MAGEA11: variants seen among roughly 807,000 people sequenced by gnomAD.
MAGEA11 encodes the protein MAGE family member A11.
MAGEA11 carries 1 observed loss-of-function variant against 8.4 expected under a neutral mutation model. That is an observed-to-expected ratio of 0.12 (90% CI 0.04 to 0.57). The LOEUF (loss-of-function observed/expected upper bound fraction) is 0.57, where lower values mean the gene tolerates loss of function less well. MAGEA11 is among the 20% of genes least tolerant of loss of function. The pLI is 0.91. For synonymous variants in MAGEA11, 127 were observed against 119.3 expected (o/e 1.06, Z -0.42); for missense variants, 209 against 317.3 (o/e 0.66, Z 2.59).
chrX:149,709,988 T>C (rs1005867677), upstream of MAGEA11, among the ~76,000 whole-genome samples: 1 of 111,655 alleles, frequency 9.0e-6, no homozygotes, highest in African/African-American at 3.3e-5. Flanking sequence ...ATAAGAGGTA[T>C]GTGTATTGGA....
chrX:149,710,883 A>C (rs782070844), upstream of MAGEA11, among the ~76,000 whole-genome samples: 1 of 111,380 alleles, frequency 9.0e-6, no homozygotes, highest in East Asian at 2.8e-4. Flanking sequence ...AAATCTAAAC[A>C]AAAAAAACAT....
chrX:149,713,114 G>T (rs371800864), intron 1 of MAGEA11, 29 bp from the exon 2 acceptor site: 101 of 1,019,684 alleles, frequency 9.9e-5, no homozygotes, highest in Non-Finnish European at 1.3e-4. Context: ...TAGTCCCGCC[G>T]TCTCAAACTG....
intron 1 of MAGEA11, among the ~76,000 whole-genome samples, chrX:149,706,954 G>A (rs1182237126): frequency 2.7e-5 from 3 of 112,917 alleles, no homozygotes; most frequent in African/African-American, 9.7e-5. Flanking sequence ...ACAAGAGAGA[G>A]TGTTCAGATA....
At chrX:149,700,618 G>T (rs1192014963) in intron 1 of MAGEA11, among the ~76,000 whole-genome samples, 4 of 108,879 alleles carry the variant, frequency 3.7e-5, no homozygotes, top group Non-Finnish European at 7.6e-5. Context: ...ACATTGTGCA[G>T]GTTAGTTACA....
At chrX:149,713,358 G>A in intron 2 of MAGEA11, 103 bp downstream of exon 2, 2 of 518,190 alleles carry the variant, frequency 3.9e-6, no homozygotes, top group South Asian at 3.4e-5. Context: ...GTTGTGGTCT[G>A]AGGAGTGGAG....
At chrX:149,694,699 T>A (rs1223160918) in intron 1 of MAGEA11, among the ~76,000 whole-genome samples, 1 of 111,493 alleles carries the variant, frequency 9.0e-6, no homozygotes, top group African/African-American at 3.3e-5. Flanking sequence ...TTTCTTTTCT[T>A]TCTCTTTCTT....
upstream of MAGEA11, among the ~76,000 whole-genome samples, chrX:149,688,651 TATACAC>T (rs782160094): frequency 6.9e-3 from 667 of 96,216 alleles, 4 homozygotes; most frequent in African/African-American, 0.025. Context: ...TACATATACA[TATACAC>T]ATACATATAC....
chrX:149,703,055 C>G (rs997238543), intron 1 of MAGEA11, among the ~76,000 whole-genome samples: 8 of 111,400 alleles, frequency 7.2e-5, no homozygotes, highest in Non-Finnish European at 1.3e-4. Flanking sequence ...CAGGCCTAGA[C>G]TAGAGCAATG....
At chrX:149,700,295 C>A (rs1429707758) in intron 1 of MAGEA11, among the ~76,000 whole-genome samples, 1 of 112,459 alleles carries the variant, frequency 8.9e-6, no homozygotes, top group Non-Finnish European at 1.9e-5. Context: ...AAAATAGGGT[C>A]ATCAACATGT....
chrX:149,709,285 GAA>G (rs782440028), upstream of MAGEA11, among the ~76,000 whole-genome samples: 5 of 79,359 alleles, frequency 6.3e-5, no homozygotes, highest in East Asian at 3.7e-4. Flanking sequence ...ACTCTGTCTC[GAA>G]AAAAAAAAAA....
At chrX:149,691,095 T>G in intron 1 of MAGEA11, among the ~76,000 whole-genome samples, 1 of 111,920 alleles carries the variant, frequency 8.9e-6, no homozygotes, top group Non-Finnish European at 1.9e-5. Context: ...TCTTAAAATC[T>G]CAGTGATTTT....
upstream of MAGEA11, chrX:149,688,771 G>T: frequency 7.5e-6 from 2 of 267,899 alleles, no homozygotes; most frequent in Non-Finnish European, 1.4e-5. Flanking sequence ...CTCCTGTCAG[G>T]AAGGGTATAG....
chrX:149,706,442 G>C (rs886883164), intron 1 of MAGEA11, among the ~76,000 whole-genome samples: 21 of 111,937 alleles, frequency 1.9e-4, no homozygotes, highest in African/African-American at 6.8e-4. Flanking sequence ...GAGGTGATTA[G>C]TTTAATTAAT....
exon 1 of MAGEA11, chrX:149,688,839 G>C: frequency 2.3e-6 from 1 of 426,794 alleles, no homozygotes; most frequent in Non-Finnish European, 4.1e-6. Flanking sequence ...TCTCACCAGG[G>C]CAGGGAGCTG....
chrX:149,695,656 C>T (rs1169994545), intron 1 of MAGEA11, among the ~76,000 whole-genome samples: 3 of 112,061 alleles, frequency 2.7e-5, no homozygotes, highest in African/African-American at 6.5e-5. Flanking sequence ...TGCTCAACTT[C>T]GTTAGTCACT....
At position 149,717,020 on chromosome X, in the gene MAGEA11, T is replaced by G; in HGVS notation, c.*244T>G. ...TTTCTTTTTGTTTCCCTTTGGTAAT[T>G]TTCAAATATTGTTCCTGTAATAAAA... On this transcript the variant is annotated 3_prime_UTR_variant, in exon 5 of 5. Coordinates refer to ENST00000355220, the MANE Select transcript of MAGEA11 (RefSeq NM_005366.5). 1 of 316,165 alleles carries G rather than the reference T, an allele frequency of 3.2e-6. No individual in the cohort carries two copies. Among genetic ancestry groups the G allele is most frequent in the Non-Finnish European group, 5.5e-6 (1 of 181,961 alleles). 26.1% of individuals were successfully genotyped at this position (316,165 alleles called of 1,213,427 possible).
chrX:149,711,704 C>T (rs1216915190), upstream of MAGEA11: 12 of 357,870 alleles, frequency 3.4e-5, no homozygotes, highest in South Asian at 7.2e-4. Context: ...CTGTCAGCCC[C>T]GGAAGACCTT....
At chrX:149,701,519 C>T (rs1377787541) in intron 1 of MAGEA11, among the ~76,000 whole-genome samples, 3 of 108,387 alleles carry the variant, frequency 2.8e-5, no homozygotes, top group African/African-American at 1.0e-4. Context: ...TGTAGGTTGC[C>T]TGTTCACTCT....
intron 1 of MAGEA11, among the ~76,000 whole-genome samples, chrX:149,706,223 C>T (rs2090376564): frequency 8.9e-6 from 1 of 112,180 alleles, no homozygotes; most frequent in Non-Finnish European, 1.9e-5. Context: ...TGGCTCCTTT[C>T]CAAATCCTAA....
Sources: gnomAD v4.1 joint callset for allele counts (sites outside exome capture counted in the v4.1 genomes callset) on GRCh38, gnomAD v4.1.1 for gene constraint, MANE v1.5 for transcripts, NCBI Gene and HGNC (gene_info 2026-07-23, HGNC 2026-07-21) for gene names.